The following AGBL4 variants were observed in gnomAD, a reference collection of about 807,000 sequenced individuals.
AGBL4 encodes cytosolic carboxypeptidase 6.
A neutral mutation model predicts 66.4 loss-of-function variants in AGBL4; 58 were observed. The ratio of observed to expected loss-of-function variants is 0.87; its 90% CI spans 0.71 to 1.09. The LOEUF (loss-of-function observed/expected upper bound fraction) is 1.09, where lower values mean the gene tolerates loss of function less well. AGBL4 is among the 50% of genes least tolerant of loss of function. The probability of loss-of-function intolerance (pLI) is 0.00; values close to 1 mark genes in which losing one functional copy is unlikely to be tolerated. For synonymous variants in AGBL4, 234 were observed against 222.9 expected, an observed-to-expected ratio of 1.05 and a Z score of -0.44; for missense variants, 579 against 631.0, an observed-to-expected ratio of 0.92 and a Z score of 0.88.
At chr1:49,724,646 C>T (rs1431393263) in intron 2 of AGBL4, among the ~76,000 whole-genome samples, 3 of 152,022 alleles carry the variant, frequency 2.0e-5, no homozygotes, top group Non-Finnish European at 4.4e-5. Context: ...AACTCTAACC[C>T]CCAATTTGTC....
rs138506528 is a variant in AGBL4, at chr1:48,848,132, C to G, written c.634+19059G>C. ...TTTTCTACTGTGAAGCCAGGGGACA[C>G]TGAGAAATCATATTCTTTCCTGTTT... On this transcript the variant is annotated intron_variant, in intron 6 of 13. Transcript: ENST00000371839. Among the ~76,000 whole-genome samples the G allele has an allele frequency of 7.3e-3, 1,110 of 152,312 alleles. 15 individuals carry two copies. Among genetic ancestry groups the G allele is most frequent in the Non-Finnish European group, 6.9e-3 (470 of 68,030 alleles).
intron 1 of AGBL4, among the ~76,000 whole-genome samples, chr1:49,900,954 G>A (rs557754638): frequency 2.6e-5 from 4 of 152,268 alleles, no homozygotes; most frequent in Non-Finnish European, 5.9e-5. Flanking sequence ...TGCTGCTATT[G>A]TTTTTATAGG....
intron 5 of AGBL4, among the ~76,000 whole-genome samples, chr1:48,946,114 T>C (rs1415836988): frequency 1.3e-5 from 2 of 152,214 alleles, no homozygotes; most frequent in Admixed American, 6.5e-5. Flanking sequence ...CAAGAACTAC[T>C]TCTCCCGTTA....
intron 3 of AGBL4, among the ~76,000 whole-genome samples, chr1:49,377,255 C>A (rs770928804): frequency 1.3e-5 from 2 of 152,168 alleles, no homozygotes; most frequent in Non-Finnish European, 2.9e-5. Context: ...AAAATCAGGA[C>A]AGTAATTATG....
intron 4 of AGBL4, among the ~76,000 whole-genome samples, chr1:49,224,340 G>A (rs909790868): frequency 4.6e-5 from 7 of 152,200 alleles, no homozygotes; most frequent in Non-Finnish European, 4.4e-5. Flanking sequence ...TTGGCCGGCC[G>A]GACGCGGTGA....
chr1:48,707,123 A>G (rs1328802855), intron 6 of AGBL4, among the ~76,000 whole-genome samples: 1 of 152,086 alleles, frequency 6.6e-6, no homozygotes, highest in Admixed American at 6.5e-5. Context: ...GTGAAACCCC[A>G]TCTTTACTAA....
intron 4 of AGBL4, among the ~76,000 whole-genome samples, chr1:49,071,055 C>T (rs138742009): frequency 0.028 from 4,282 of 151,772 alleles, 239 homozygotes; most frequent in African/African-American, 0.098. Context: ...TATTCTCTGA[C>T]GGTAGTTTGT....
chr1:48,706,023 G>C (rs1035070769), intron 6 of AGBL4, among the ~76,000 whole-genome samples: 3 of 152,034 alleles, frequency 2.0e-5, no homozygotes, highest in African/African-American at 7.2e-5. Context: ...TTCCTACTTA[G>C]GCAATTAAAA....
At chr1:49,300,166 C>A (rs186457143) in intron 3 of AGBL4, among the ~76,000 whole-genome samples, 2 of 152,218 alleles carry the variant, frequency 1.3e-5, no homozygotes, top group East Asian at 3.9e-4. Flanking sequence ...CAATTTTGTT[C>A]TTCCCCAGAA....
In AGBL4 at chr1:49,377,518, G is replaced by A. The variant is rs553404477; in HGVS notation, c.283-131654C>T. ...TTAACACAGGGAAGAATCTTCACAT[G>A]TCATTCCCTACTACCTTCAAACTGT... On this transcript the variant is annotated intron_variant, in intron 3 of 13. Transcript: ENST00000371839. 4.6e-5 allele frequency among the ~76,000 whole-genome samples: 7 copies of A among 152,130 alleles called. No individual in the cohort carries two copies. In the South Asian group the frequency reaches 8.3e-4, roughly 18 times the overall value.
At chr1:49,507,033 A>T (rs759169068) in intron 3 of AGBL4, among the ~76,000 whole-genome samples, 9 of 152,044 alleles carry the variant, frequency 5.9e-5, no homozygotes, top group Non-Finnish European at 1.2e-4. Flanking sequence ...ATGATGCTGA[A>T]TCAGCTGAAG....
At chr1:48,717,089 G>C (rs1369451424) in intron 6 of AGBL4, among the ~76,000 whole-genome samples, 1 of 152,256 alleles carries the variant, frequency 6.6e-6, no homozygotes, top group Non-Finnish European at 1.5e-5. Context: ...GGATAGTGCA[G>C]TGCAGTGCCC....
intron 1 of AGBL4, among the ~76,000 whole-genome samples, chr1:49,905,983 C>T (rs1354499648): frequency 1.3e-5 from 2 of 151,846 alleles, no homozygotes; most frequent in Non-Finnish European, 2.9e-5. Flanking sequence ...CAGAATCCTA[C>T]CCCCTAGGAT....
intron 3 of AGBL4, among the ~76,000 whole-genome samples, chr1:49,283,473 C>T (rs961747676): frequency 3.9e-5 from 6 of 152,192 alleles, no homozygotes; most frequent in Non-Finnish European, 5.9e-5. Context: ...TCTCCTCCTC[C>T]AAAGGAACGC....
intron 11 of AGBL4, chr1:48,586,176 C>T (rs1644817380): frequency 6.6e-6 from 1 of 152,194 alleles, no homozygotes; most frequent in Non-Finnish European, 1.5e-5. Context: ...ACTAGAGTTA[C>T]TACCTAATCC....
intron 4 of AGBL4, among the ~76,000 whole-genome samples, chr1:49,170,358 G>A (rs1382096098): frequency 1.4e-5 from 2 of 139,742 alleles, no homozygotes; most frequent in Non-Finnish European, 3.1e-5. Flanking sequence ...TTTATATTTT[G>A]TCTCACTCTT....
rs188964679 is a variant in AGBL4 at position 49,935,686 on chromosome 1, C to T, written c.35-84168G>A. On this transcript the variant is annotated intron_variant, in intron 1 of 13. Transcript: ENST00000371839. Reference sequence around the variant, plus strand: ...GCAGCATTCGCGGTTCATGAAAATCCGCTGTTCTACGGCCACCGCTGCTGA... The same window carrying T: ...GCAGCATTCGCGGTTCATGAAAATCTGCTGTTCTACGGCCACCGCTGCTGA... Among the ~76,000 whole-genome samples the T allele has an allele frequency of 9.5e-4, 144 of 152,226 alleles. 1 individual carries two copies. The highest frequency in any genetic ancestry group is 6.8e-3 in the Middle Eastern group (2 of 294).
chr1:49,508,299 C>A (rs1342826412), intron 3 of AGBL4, among the ~76,000 whole-genome samples: 2 of 151,802 alleles, frequency 1.3e-5, no homozygotes, highest in Admixed American at 6.6e-5. Context: ...GTTAAAAGTT[C>A]CAGATAAATG....
chr1:48,712,190 G>C (rs1034581030), intron 6 of AGBL4, among the ~76,000 whole-genome samples: 2 of 152,162 alleles, frequency 1.3e-5, no homozygotes, highest in Admixed American at 6.5e-5. Flanking sequence ...AGTGTGTGTG[G>C]GCTTTCCACA....
Sources: allele counts gnomAD v4.1 joint callset (sites outside exome capture counted in the v4.1 genomes callset), GRCh38; gene constraint gnomAD v4.1.1; transcripts MANE v1.5; gene names NCBI Gene and HGNC (gene_info 2026-07-23, HGNC 2026-07-21).